Variants in CNIH3 observed in about 807,000 individuals in gnomAD.
CNIH3 encodes protein cornichon homolog 3.
A neutral mutation model predicts 24.1 loss-of-function variants in CNIH3; 14 were observed. The ratio of observed to expected loss-of-function variants is 0.58; its 90% CI spans 0.38 to 0.91. The LOEUF is 0.91. CNIH3 is among the 40% of genes least tolerant of loss of function. The probability of loss-of-function intolerance (pLI) is 0.00; values close to 1 mark genes in which losing one functional copy is unlikely to be tolerated. For missense variants in CNIH3, 178 were observed against 196.8 expected, an observed-to-expected ratio of 0.90 and a Z score of 0.57; for synonymous variants, 68 against 73.8, an observed-to-expected ratio of 0.92 and a Z score of 0.40.
intron 2 of CNIH3, among the ~76,000 whole-genome samples, chr1:224,522,294 T>C (rs1345199294): frequency 6.6e-6 from 1 of 152,104 alleles, no homozygotes; most frequent in African/African-American, 2.4e-5. Context: ...CTTTGCAGGG[T>C]TGGAAAAAAT....
Position 224,733,511 on chromosome 1 carries a change from A to G in CNIH3, c.312-1052A>G, listed in dbSNP as rs953751318. Among the ~76,000 whole-genome samples the G allele has an allele frequency of 7.2e-5, 11 of 152,218 alleles. No homozygotes were observed. In the South Asian group the frequency reaches 2.1e-3, roughly 29 times the overall value. Reference sequence around the variant, plus strand: ...CTTTTCAGCACAGTGTCAGTGACAGATAACGTCAGTGCAATTCTCTGAAGG... The same window carrying G: ...CTTTTCAGCACAGTGTCAGTGACAGGTAACGTCAGTGCAATTCTCTGAAGG... On this transcript the variant is annotated intron_variant, in intron 4 of 5. Transcript: ENST00000272133.
chr1:224,466,591 G>A (rs1034227794), intron 1 of CNIH3, among the ~76,000 whole-genome samples: 2 of 152,318 alleles, frequency 1.3e-5, no homozygotes, highest in Admixed American at 1.3e-4. Context: ...AGCGCATATA[G>A]GTTTTCATTT....
chr1:224,608,058 C>T (rs900490004), intron 3 of CNIH3, among the ~76,000 whole-genome samples: 5 of 152,138 alleles, frequency 3.3e-5, no homozygotes, highest in African/African-American at 1.2e-4. Context: ...CAATTCTTGC[C>T]TCTTCAGAAG....
intron 1 of CNIH3, among the ~76,000 whole-genome samples, chr1:224,475,369 AAAG>A (rs1676546702): frequency 2.0e-5 from 3 of 151,558 alleles, no homozygotes; most frequent in African/African-American, 4.8e-5. Flanking sequence ...AAAAAAAAGA[AAAG>A]AAAAGAAAAG....
intron 3 of CNIH3, among the ~76,000 whole-genome samples, chr1:224,728,435 C>A (rs1397488137): frequency 6.6e-6 from 1 of 152,112 alleles, no homozygotes; most frequent in Non-Finnish European, 1.5e-5. Context: ...GCTGGTGGTA[C>A]CTGCTTCACC....
chr1:224,509,993 G>A (rs1678075163), intron 1 of CNIH3, among the ~76,000 whole-genome samples: 1 of 152,188 alleles, frequency 6.6e-6, no homozygotes, highest in South Asian at 2.1e-4. Flanking sequence ...AGCTCCTTTG[G>A]CTGCTGGTTT....
At chr1:224,595,434 T>A (rs1681939420) in intron 3 of CNIH3, among the ~76,000 whole-genome samples, 1 of 152,204 alleles carries the variant, frequency 6.6e-6, no homozygotes, top group Non-Finnish European at 1.5e-5. Flanking sequence ...CAATAAATGT[T>A]GTGTGTGTTC....
chr1:224,684,410 C>T lies in CNIH3; in HGVS notation c.151-386C>T, dbSNP rs1375131065. ...CTTCGAGAACTAAGTGGGAAGGCCT[C>T]CTGGGAGGGCCGGCTGCAGGCTTTA... On this transcript the variant is annotated intron_variant, in intron 2 of 5. Coordinates refer to ENST00000272133, the MANE Select transcript of CNIH3 (RefSeq NM_152495.2). This position sits in a 1 kb window ranked among gnomAD's most constrained non-coding sequence, Gnocchi z 4.2. 2.0e-5 allele frequency among the ~76,000 whole-genome samples: 3 copies of T among 152,190 alleles called. No individual in the cohort carries two copies. The highest frequency in any genetic ancestry group is 4.4e-5 in the Non-Finnish European group (3 of 68,034).
Position 224,555,773 on chromosome 1 carries a change from C to CT in CNIH3, n.450+8843dup, listed in dbSNP as rs201490348. 8.6e-5 allele frequency among the ~76,000 whole-genome samples: 13 copies of CT among 151,650 alleles called. No homozygotes were observed. In the East Asian group the frequency reaches 1.5e-3, roughly 18 times the overall value. Reference sequence around the variant, plus strand: ...TTCCTTTTAGAGTTTTGAGCTAATCCTTTTTTTTTCCTCGGTCTCAAACCT... The same window carrying CT: ...TTCCTTTTAGAGTTTTGAGCTAATCCTTTTTTTTTTCCTCGGTCTCAAACCT... On this transcript the variant is annotated intron_variant and non_coding_transcript_variant, in intron 3 of 5. Coordinates refer to the CNIH3 transcript ENST00000471578.
At chr1:224,581,273 G>A (rs146310516) in intron 4 of CNIH3, among the ~76,000 whole-genome samples, 136 of 152,152 alleles carry the variant, frequency 8.9e-4, no homozygotes, top group African/African-American at 3.0e-3. Context: ...TGGAGAGATT[G>A]GAGGCTGAGT....
exon 1 of CNIH3, chr1:224,434,749 T>A (rs112454893): frequency 9.1e-6 from 9 of 987,004 alleles, no homozygotes; most frequent in Admixed American, 1.2e-4. Context: ...TCGGATCCGC[T>A]CCGCTCTGCT....
intron 3 of CNIH3, among the ~76,000 whole-genome samples, chr1:224,559,041 G>T (rs773018257): frequency 2.0e-5 from 3 of 152,156 alleles, no homozygotes; most frequent in Non-Finnish European, 4.4e-5. Context: ...TTTGCAAACT[G>T]GTACCTAAAG....
chr1:224,699,282 T>G (rs1167238328), intron 3 of CNIH3, among the ~76,000 whole-genome samples: 1 of 152,250 alleles, frequency 6.6e-6, no homozygotes, highest in Admixed American at 6.5e-5. Context: ...TAAGAAGTTT[T>G]GACCAAAGGC....
chr1:224,574,336 G>A (rs1050861136), intron 4 of CNIH3: 9 of 306,972 alleles, frequency 2.9e-5, no homozygotes, highest in Non-Finnish European at 3.6e-5. Flanking sequence ...GATTAGACCA[G>A]GCATTCTTAA....
chr1:224,585,000 A>G (rs769217643), intron 5 of CNIH3, among the ~76,000 whole-genome samples: 20 of 152,210 alleles, frequency 1.3e-4, no homozygotes, highest in Non-Finnish European at 2.5e-4. Context: ...GCATGAATTC[A>G]TGTGAAAAAC....
chr1:224,670,623 G>A (rs1233263601), intron 1 of CNIH3, among the ~76,000 whole-genome samples: 1 of 152,074 alleles, frequency 6.6e-6, no homozygotes, highest in Non-Finnish European at 1.5e-5. Flanking sequence ...GGAGGAGGCT[G>A]GGTCACACAC....
chr1:224,714,439 G>T (rs999008899), intron 3 of CNIH3, among the ~76,000 whole-genome samples: 1 of 152,186 alleles, frequency 6.6e-6, no homozygotes, highest in African/African-American at 2.4e-5. Context: ...CGAGATGTGT[G>T]CTGGCTGTTT....
At chr1:224,739,272 G>T in intron 5 of CNIH3, 57 bp from the exon 6 acceptor site, 2 of 1,584,272 alleles carry the variant, frequency 1.3e-6, no homozygotes, top group East Asian at 4.6e-5. Context: ...GTCCTCTGTG[G>T]GCTTCTACTA....
chr1:224,615,754 T>C (rs1182044390), upstream of CNIH3: 2 of 152,170 alleles, frequency 1.3e-5, no homozygotes, highest in East Asian at 1.9e-4. Context: ...GGGTAGAGGA[T>C]GCAACGGAAG....
Sources: gnomAD v4.1 joint callset for allele counts (sites outside exome capture counted in the v4.1 genomes callset) on GRCh38, gnomAD v4.1.1 for gene constraint, Gnocchi (gnomAD v3.1) non-coding constraint, MANE v1.5 for transcripts, NCBI Gene and HGNC (gene_info 2026-07-23, HGNC 2026-07-21) for gene names.